The following RUBCN variants were observed in gnomAD, a reference collection of about 807,000 sequenced individuals.
RUBCN encodes run domain Beclin-1-interacting and cysteine-rich domain-containing protein.
A neutral mutation model predicts 113.2 loss-of-function variants in RUBCN; 74 were observed. The ratio of observed to expected loss-of-function variants is 0.65; its 90% CI spans 0.54 to 0.79. The LOEUF (loss-of-function observed/expected upper bound fraction) is 0.79. Among genes scored for constraint, RUBCN ranks in the 30% least tolerant of loss-of-function variants. The pLI, the probability that RUBCN is intolerant of heterozygous loss-of-function variation, is 0.00. For synonymous variants in RUBCN, 480 were observed against 490.0 expected (o/e 0.98, Z 0.27); for missense variants, 1,109 against 1,251.7 (o/e 0.89, Z 1.72).
At chr3:197,724,459 A>C (rs1726517347) in intron 1 of RUBCN, among the ~76,000 whole-genome samples, 1 of 152,236 alleles carries the variant, frequency 6.6e-6, no homozygotes, top group Non-Finnish European at 1.5e-5. Context: ...AGTGTGATTC[A>C]AGGTAAGAAA....
chr3:197,739,117 T>C (rs891500261), upstream of RUBCN, among the ~76,000 whole-genome samples: 1 of 151,250 alleles, frequency 6.6e-6, no homozygotes, highest in Non-Finnish European at 1.5e-5. Context: ...ATTTTGTATT[T>C]TTTAGTAGGG....
intron 1 of RUBCN, among the ~76,000 whole-genome samples, chr3:197,722,803 G>A (rs1286018491): frequency 6.6e-6 from 1 of 151,974 alleles, no homozygotes; most frequent in Non-Finnish European, 1.5e-5. Flanking sequence ...GTTTCCATTT[G>A]CATAGAGCAT....
At chr3:197,722,541 C>T (rs1462965526) in intron 1 of RUBCN, among the ~76,000 whole-genome samples, 2 of 151,516 alleles carry the variant, frequency 1.3e-5, no homozygotes, top group African/African-American at 4.8e-5. Flanking sequence ...ATCAGACTTT[C>T]TCTCCCCATC....
At chr3:197,749,570 C>T in exon 1 of RUBCN, 3 of 1,290,188 alleles carry the variant, frequency 2.3e-6, no homozygotes, top group Non-Finnish European at 3.0e-6. Context: ...TCGTGTGTAC[C>T]GAAGTATAGG....
intron 2 of RUBCN, among the ~76,000 whole-genome samples, chr3:197,710,517 T>C (rs569515272): frequency 2.0e-5 from 3 of 151,770 alleles, no homozygotes; most frequent in Admixed American, 6.6e-5. Context: ...GGAGAATCGC[T>C]TGAACCCCAG....
At chr3:197,724,717 T>C (rs1339828777) in intron 1 of RUBCN, among the ~76,000 whole-genome samples, 1 of 152,220 alleles carries the variant, frequency 6.6e-6, no homozygotes, top group African/African-American at 2.4e-5. Flanking sequence ...TTTCTAAAGC[T>C]AATTATAGCA....
intron 2 of RUBCN, among the ~76,000 whole-genome samples, chr3:197,709,833 C>T (rs1396531048): frequency 6.6e-6 from 1 of 151,924 alleles, no homozygotes; most frequent in African/African-American, 2.4e-5. Flanking sequence ...AAAAACTAAG[C>T]CATAAAAGTA....
chr3:197,746,070 G>A (rs1453331380), intron 1 of RUBCN, among the ~76,000 whole-genome samples: 1 of 151,958 alleles, frequency 6.6e-6, no homozygotes, highest in Non-Finnish European at 1.5e-5. Flanking sequence ...AGGTTGAGAA[G>A]GTTGCCAGAT....
chr3:197,746,977 G>T (rs1383561444), intron 1 of RUBCN, among the ~76,000 whole-genome samples: 2 of 151,738 alleles, frequency 1.3e-5, no homozygotes, highest in African/African-American at 4.8e-5. Flanking sequence ...GATGCTCAAT[G>T]AATATATGAT....
chr3:197,743,649 T>C (rs1054554356), intron 1 of RUBCN, among the ~76,000 whole-genome samples: 5 of 152,138 alleles, frequency 3.3e-5, no homozygotes, highest in Non-Finnish European at 7.4e-5. Flanking sequence ...GTAGTGTATA[T>C]ATAAGTAGTT....
rs1471787737 is a variant in RUBCN at position 197,675,695 on chromosome 3, A to G, written c.2647-180T>C. ...ACCAGGGCCGGGCAGCGTTAGACAAAGCTTTAGGCAGAAGATCAGACAGGC... is the reference window on the plus strand; with the variant it reads ...ACCAGGGCCGGGCAGCGTTAGACAAGGCTTTAGGCAGAAGATCAGACAGGC... On this transcript the variant is annotated intron_variant, in intron 18 of 19. Transcript: ENST00000296343. This position sits in a 1 kb window ranked among gnomAD's most constrained non-coding sequence, Gnocchi z 4.4. Among the ~76,000 whole-genome samples, 1 of 150,732 alleles carries G rather than the reference A, an allele frequency of 6.6e-6. No individual in the cohort carries two copies. The highest frequency in any genetic ancestry group is 1.5e-5 in the Non-Finnish European group (1 of 67,390).
At chr3:197,696,100 T>C (rs1253893556) in intron 8 of RUBCN, 119 bp from the exon 9 acceptor site, 3 of 942,108 alleles carry the variant, frequency 3.2e-6, no homozygotes, top group Admixed American at 4.0e-5. Context: ...TGGAAGAAGA[T>C]GTCCACCTTC....
chr3:197,730,855 A>G (rs1385512525), intron 1 of RUBCN, among the ~76,000 whole-genome samples: 3 of 139,396 alleles, frequency 2.2e-5, no homozygotes. Flanking sequence ...TCTCATTAAA[A>G]TATCTTTTTT....
chr3:197,739,028 G>A (rs1430191567), upstream of RUBCN, among the ~76,000 whole-genome samples: 1 of 151,364 alleles, frequency 6.6e-6, no homozygotes, highest in Non-Finnish European at 1.5e-5. Context: ...GTGCAATGGC[G>A]CGATCGGGTT....
At chr3:197,720,934 A>G (rs1580344455) in intron 1 of RUBCN, among the ~76,000 whole-genome samples, 1 of 152,140 alleles carries the variant, frequency 6.6e-6, no homozygotes, top group African/African-American at 2.4e-5. Flanking sequence ...AGCAGCGTGT[A>G]AGGGTTCCCT....
intron 2 of RUBCN, among the ~76,000 whole-genome samples, chr3:197,710,582 G>A (rs762905593): frequency 1.3e-4 from 19 of 148,100 alleles, no homozygotes; most frequent in Admixed American, 5.4e-4. Flanking sequence ...CCTGGGTAAC[G>A]AGTGAAACTC....
In RUBCN at chr3:197,681,620, C is replaced by T. The variant is rs1344506691; in HGVS notation, c.2191+215G>A. ...CCGCCTTACCAGCTAGCTGGAACTA[C>T]CCAACTTTCCACAGGATACAATCCT... On this transcript the variant is annotated intron_variant, in intron 15 of 19. Coordinates refer to ENST00000296343, the MANE Select transcript of RUBCN (RefSeq NM_014687.4). The surrounding 1 kb of genome is among the most constrained non-coding windows in gnomAD (Gnocchi z 5.5). Among the ~76,000 whole-genome samples, 1 of 152,190 alleles carries T rather than the reference C, an allele frequency of 6.6e-6. No individual in the cohort carries two copies. The highest frequency in any genetic ancestry group is 1.5e-5 in the Non-Finnish European group (1 of 68,040).
intron 7 of RUBCN, among the ~76,000 whole-genome samples, chr3:197,698,028 C>A (rs1723204863): frequency 6.6e-6 from 1 of 152,178 alleles, no homozygotes; most frequent in African/African-American, 2.4e-5. Context: ...TGGTAAAAAA[C>A]CATGATATGA....
Position 197,670,881 on chromosome 3 carries a change from C to G in RUBCN, c.*4137G>C, listed in dbSNP as rs1182535692. Among the ~76,000 whole-genome samples the G allele has an allele frequency of 6.6e-6, 1 of 152,208 alleles. No individual in the cohort carries two copies. Among genetic ancestry groups the G allele is most frequent in the Non-Finnish European group, 1.5e-5 (1 of 68,024 alleles). On this transcript the variant is annotated 3_prime_UTR_variant, in exon 20 of 20. Transcript: ENST00000296343. ...TGGACAAACACAACAGGAGCAGTTG[C>G]AGACAAAGTAGCTGAGGGAGAAGAC...
Sources: gnomAD v4.1 joint callset for allele counts (sites outside exome capture counted in the v4.1 genomes callset) on GRCh38, gnomAD v4.1.1 for gene constraint, Gnocchi (gnomAD v3.1) non-coding constraint, MANE v1.5 for transcripts, NCBI Gene and HGNC (gene_info 2026-07-23, HGNC 2026-07-21) for gene names.